The following ASIC2 variants were observed in gnomAD, a reference collection of about 807,000 sequenced individuals.
ASIC2 encodes the protein acid-sensing ion channel 2.
ASIC2 carries 25 observed loss-of-function variants against 57.3 expected under a neutral mutation model. The ratio of observed to expected loss-of-function variants is 0.44; its 90% CI spans 0.32 to 0.61. The LOEUF (loss-of-function observed/expected upper bound fraction) is 0.61. Among genes scored for constraint, ASIC2 ranks in the 20% least tolerant of loss-of-function variants. ASIC2 has a pLI of 0.06. For synonymous variants in ASIC2, 319 were observed against 307.5 expected, an observed-to-expected ratio of 1.04 and a Z score of -0.39; for missense variants, 641 against 738.1, an observed-to-expected ratio of 0.87 and a Z score of 1.52.
intron 1 of ASIC2, among the ~76,000 whole-genome samples, chr17:33,376,908 CA>C (rs1909298898): frequency 6.6e-6 from 1 of 152,182 alleles, no homozygotes; most frequent in East Asian, 1.9e-4. Context: ...TTCTCACAAT[CA>C]CCCCGGAGAG....
intron 1 of ASIC2, among the ~76,000 whole-genome samples, chr17:33,981,267 G>A (rs1277564329): frequency 1.3e-5 from 2 of 152,116 alleles, no homozygotes; most frequent in Non-Finnish European, 2.9e-5. Context: ...GTAATTTTAT[G>A]AGTTCTTCCT....
chr17:33,300,552 T>C (rs2142193744), intron 1 of ASIC2, among the ~76,000 whole-genome samples: 1 of 152,360 alleles, frequency 6.6e-6, no homozygotes. Context: ...AACAGCAGGT[T>C]ATGCAGATAT....
intron 1 of ASIC2, among the ~76,000 whole-genome samples, chr17:33,898,596 G>T (rs1016940845): frequency 6.6e-6 from 1 of 151,976 alleles, no homozygotes; most frequent in Non-Finnish European, 1.5e-5. Context: ...AATTAACAGT[G>T]GTATAACATT....
chr17:33,784,265 T>C (rs1004209746), intron 1 of ASIC2, among the ~76,000 whole-genome samples: 3 of 152,332 alleles, frequency 2.0e-5, no homozygotes, highest in South Asian at 2.1e-4. Context: ...TTCAGGGAGA[T>C]AATACATGGG....
At chr17:33,068,072 C>T (rs1020039240) in intron 3 of ASIC2, among the ~76,000 whole-genome samples, 24 of 152,118 alleles carry the variant, frequency 1.6e-4, no homozygotes, top group Non-Finnish European at 2.8e-4. Flanking sequence ...ACTCAGACAA[C>T]CCAGAGAGTG....
At chr17:33,058,054 G>T (rs1830492864) in intron 3 of ASIC2, among the ~76,000 whole-genome samples, 1 of 151,814 alleles carries the variant, frequency 6.6e-6, no homozygotes, top group South Asian at 2.1e-4. Context: ...TAAAAAAAAA[G>T]GTATGTATGC....
At chr17:33,232,440 G>T (rs1316550512) in intron 1 of ASIC2, among the ~76,000 whole-genome samples, 2 of 149,856 alleles carry the variant, frequency 1.3e-5, no homozygotes, top group African/African-American at 2.5e-5. Context: ...GTATGGTATG[G>T]TATGGAATGG....
At position 33,474,952 on chromosome 17, in the gene ASIC2, G is replaced by C. The variant is rs1020288327; in HGVS notation, c.556-362885C>G. Among the ~76,000 whole-genome samples the C allele has an allele frequency of 2.0e-5, 3 of 152,118 alleles. No homozygotes were observed. In the East Asian group the frequency reaches 5.8e-4, roughly 29 times the overall value. On this transcript the variant is annotated intron_variant, in intron 1 of 9. Coordinates refer to the ASIC2 transcript ENST00000359872. ...TTGCGCTGCACTCTCCAATTCAAAG[G>C]GCTGGAGTTGATCGTCCTGCCTCCA...
chr17:33,401,367 G>T (rs947108925), intron 1 of ASIC2, among the ~76,000 whole-genome samples: 2 of 152,004 alleles, frequency 1.3e-5, no homozygotes, highest in African/African-American at 4.8e-5. Context: ...TCCATTCCTT[G>T]ATCCCTTGCC....
At chr17:33,275,247 C>T (rs1011736090) in intron 1 of ASIC2, among the ~76,000 whole-genome samples, 2 of 152,176 alleles carry the variant, frequency 1.3e-5, no homozygotes, top group Admixed American at 1.3e-4. Flanking sequence ...CAATTCCCCT[C>T]CCACCCAGAA....
chr17:33,184,621 C>T (rs1022359917), intron 1 of ASIC2, among the ~76,000 whole-genome samples: 1 of 152,156 alleles, frequency 6.6e-6, no homozygotes. Context: ...CATCTGAAGC[C>T]TGAAACTTCT....
At chr17:33,562,930 T>A (rs971981910) in intron 1 of ASIC2, among the ~76,000 whole-genome samples, 2 of 152,132 alleles carry the variant, frequency 1.3e-5, no homozygotes, top group Non-Finnish European at 2.9e-5. Flanking sequence ...TCCCTTAGTA[T>A]TTAGGCAACT....
intron 3 of ASIC2, among the ~76,000 whole-genome samples, chr17:33,079,628 G>A (rs910673704): frequency 1.3e-5 from 2 of 152,116 alleles, no homozygotes; most frequent in East Asian, 3.8e-4. Flanking sequence ...GACAGAGTGA[G>A]CACTGGGGAG....
At chr17:34,066,510 G>A (rs534070417) in intron 1 of ASIC2, among the ~76,000 whole-genome samples, 1 of 152,274 alleles carries the variant, frequency 6.6e-6, no homozygotes, top group Admixed American at 6.5e-5. Flanking sequence ...AACTGTGGAC[G>A]AGGTCATCAC....
intron 1 of ASIC2, among the ~76,000 whole-genome samples, chr17:33,578,791 G>A (rs563119384): frequency 4.4e-4 from 47 of 108,002 alleles, no homozygotes; most frequent in African/African-American, 1.8e-3. Context: ...ATAATCCTAA[G>A]ATTAGTCTAG....
At chr17:33,883,191 A>C (rs1914745148) in intron 1 of ASIC2, among the ~76,000 whole-genome samples, 1 of 152,174 alleles carries the variant, frequency 6.6e-6, no homozygotes, top group South Asian at 2.1e-4. Flanking sequence ...ACATGTATAC[A>C]TATGTAACAA....
intron 1 of ASIC2, among the ~76,000 whole-genome samples, chr17:33,519,388 C>T (rs1914673988): frequency 6.6e-6 from 1 of 152,156 alleles, no homozygotes; most frequent in African/African-American, 2.4e-5. Context: ...ACACAGTTGG[C>T]CTCGGGCTTG....
At chr17:33,219,465 A>G (rs1468114578) in intron 1 of ASIC2, among the ~76,000 whole-genome samples, 3 of 152,200 alleles carry the variant, frequency 2.0e-5, no homozygotes, top group African/African-American at 7.2e-5. Context: ...TGTTATATCC[A>G]TTATCTCCTT....
At chr17:33,163,562 G>C (rs1905223013) in intron 1 of ASIC2, among the ~76,000 whole-genome samples, 1 of 152,220 alleles carries the variant, frequency 6.6e-6, no homozygotes, top group African/African-American at 2.4e-5. Flanking sequence ...ACGATGCCAA[G>C]TGATTTCCAG....
Sources: allele counts gnomAD v4.1 joint callset (sites outside exome capture counted in the v4.1 genomes callset), GRCh38; gene constraint gnomAD v4.1.1; transcripts MANE v1.5; gene names NCBI Gene and HGNC (gene_info 2026-07-23, HGNC 2026-07-21).